Variants in FTO observed in about 807,000 individuals in gnomAD.
The protein encoded by FTO is alpha-ketoglutarate-dependent dioxygenase FTO.
In FTO, 47 loss-of-function variants were observed where a neutral mutation model predicts 63.9. The observed-to-expected ratio is 0.74, with a 90% CI of 0.58 to 0.94. FTO has a LOEUF of 0.94. FTO is among the 40% of genes least tolerant of loss of function. FTO has a pLI of 0.00. For missense variants in FTO, 562 were observed against 618.1 expected (o/e 0.91, Z 0.96); for synonymous variants, 207 against 224.4 (o/e 0.92, Z 0.69).
intron 3 of FTO, among the ~76,000 whole-genome samples, chr16:53,839,463 T>C (rs971127571): frequency 6.6e-6 from 1 of 152,154 alleles, no homozygotes; most frequent in Non-Finnish European, 1.5e-5. Flanking sequence ...TCCTCCTCCC[T>C]ACACAGCCTA....
intron 1 of FTO, among the ~76,000 whole-genome samples, chr16:53,718,906 C>T (rs190216621): frequency 3.9e-5 from 6 of 152,128 alleles, no homozygotes; most frequent in East Asian, 1.9e-4. Context: ...TTATGGAAAC[C>T]GCAGAGTGGT....
At chr16:54,086,809 C>T (rs1381074707) in intron 8 of FTO, among the ~76,000 whole-genome samples, 1 of 152,198 alleles carries the variant, frequency 6.6e-6, no homozygotes, top group East Asian at 1.9e-4. Flanking sequence ...AAGTTAAATG[C>T]CTTTAGCAAC....
chr16:53,863,990 T>C (rs2080242210), intron 4 of FTO, among the ~76,000 whole-genome samples: 1 of 152,216 alleles, frequency 6.6e-6, no homozygotes, highest in Admixed American at 6.5e-5. Flanking sequence ...TTATGTTCCA[T>C]TGATTGTCTC....
At chr16:53,995,344 A>G (rs1203830079) in intron 8 of FTO, among the ~76,000 whole-genome samples, 4 of 152,220 alleles carry the variant, frequency 2.6e-5, no homozygotes, top group African/African-American at 4.8e-5. Context: ...GATGCCTAAC[A>G]TAAGCAATTA....
At chr16:53,959,685 A>G (rs1347491084) in intron 8 of FTO, among the ~76,000 whole-genome samples, 1 of 152,178 alleles carries the variant, frequency 6.6e-6, no homozygotes, top group Non-Finnish European at 1.5e-5. Context: ...ACTGAGGCAC[A>G]GAGAGTTTAC....
intron 8 of FTO, among the ~76,000 whole-genome samples, chr16:54,081,172 G>C (rs2086130962): frequency 6.6e-6 from 1 of 152,008 alleles, no homozygotes; most frequent in African/African-American, 2.4e-5. Context: ...AGGGTACAAA[G>C]AAGCCAACTT....
chr16:53,732,567 G>A (rs2076297524), intron 1 of FTO, among the ~76,000 whole-genome samples: 1 of 152,204 alleles, frequency 6.6e-6, no homozygotes, highest in South Asian at 2.1e-4. Flanking sequence ...GGCACCTTAA[G>A]GGCAGGAACT....
intron 7 of FTO, among the ~76,000 whole-genome samples, chr16:53,893,353 G>T (rs534111619): frequency 6.6e-4 from 101 of 152,168 alleles, no homozygotes; most frequent in Non-Finnish European, 9.0e-4. Context: ...CAAGATGATT[G>T]TATTATGAGA....
chr16:54,023,037 A>G (rs1181462481), intron 8 of FTO, among the ~76,000 whole-genome samples: 2 of 150,876 alleles, frequency 1.3e-5, no homozygotes, highest in African/African-American at 2.5e-5. Context: ...AAACAAATGT[A>G]TGTCATTATC....
intron 3 of FTO, among the ~76,000 whole-genome samples, chr16:53,834,474 C>T (rs2079235322): frequency 6.6e-6 from 1 of 152,124 alleles, no homozygotes; most frequent in African/African-American, 2.4e-5. Context: ...GGACCTTAAG[C>T]AAGTTACTTA....
At chr16:54,060,532 G>A (rs1049016985) in intron 8 of FTO, among the ~76,000 whole-genome samples, 16 of 152,304 alleles carry the variant, frequency 1.1e-4, no homozygotes, top group Admixed American at 5.9e-4. Flanking sequence ...CTAACAACTA[G>A]GAAGTAGTGC....
chr16:54,070,140 A>T (rs755436469), intron 8 of FTO: 1 of 152,124 alleles, frequency 6.6e-6, no homozygotes, highest in Non-Finnish European at 1.5e-5. Flanking sequence ...GGGCATCTGT[A>T]GAGCAATTTC....
At chr16:54,106,805 ATATTATATATACT>A (rs1159968223) in intron 8 of FTO, among the ~76,000 whole-genome samples, 30 of 136,510 alleles carry the variant, frequency 2.2e-4, no homozygotes, top group African/African-American at 7.9e-4. Context: ...ATATAATTAC[ATATTATATATACT>A]TATTATATAT....
intron 1 of FTO, among the ~76,000 whole-genome samples, chr16:53,734,728 C>T (rs796903247): frequency 3.3e-5 from 5 of 152,318 alleles, no homozygotes; most frequent in African/African-American, 9.6e-5. Flanking sequence ...TTCTTCAGCA[C>T]GTTGGCTTTT....
chr16:53,968,021 G>A (rs1203895254), intron 8 of FTO, among the ~76,000 whole-genome samples: 1 of 152,122 alleles, frequency 6.6e-6, no homozygotes, highest in Non-Finnish European at 1.5e-5. Context: ...GTATGTATAT[G>A]TGTGTGTTCA....
At chr16:53,751,478 A>C (rs2151571778) in intron 1 of FTO, among the ~76,000 whole-genome samples, 1 of 152,254 alleles carries the variant, frequency 6.6e-6, no homozygotes. Flanking sequence ...ATTTAAAAAG[A>C]ATGAAGTATT....
At chr16:54,099,669 G>A (rs1284216914) in intron 8 of FTO, among the ~76,000 whole-genome samples, 1 of 152,150 alleles carries the variant, frequency 6.6e-6, no homozygotes, top group Non-Finnish European at 1.5e-5. Context: ...AAATGAACTG[G>A]GGGATAAAAT....
intron 2 of FTO, among the ~76,000 whole-genome samples, chr16:53,816,505 C>T (rs552676255): frequency 6.6e-6 from 1 of 152,000 alleles, no homozygotes; most frequent in Non-Finnish European, 1.5e-5. Flanking sequence ...CCCCACCCCC[C>T]CTCACACTTT....
intron 1 of FTO, among the ~76,000 whole-genome samples, chr16:53,741,668 G>T (rs2076530392): frequency 6.6e-6 from 1 of 152,146 alleles, no homozygotes; most frequent in South Asian, 2.1e-4. Context: ...GTCCTCTTCT[G>T]CCATTCTCAG....
Sources: allele counts gnomAD v4.1 joint callset (sites outside exome capture counted in the v4.1 genomes callset), GRCh38; gene constraint gnomAD v4.1.1; transcripts MANE v1.5; gene names NCBI Gene and HGNC (gene_info 2026-07-23, HGNC 2026-07-21).